Variants in LRRIQ1 observed in about 807,000 individuals in gnomAD.
The protein encoded by LRRIQ1 is leucine rich repeats and IQ motif containing 1.
A neutral mutation model predicts 211.9 loss-of-function variants in LRRIQ1; 210 were observed. The ratio of observed to expected loss-of-function variants is 0.99; its 90% CI spans 0.89 to 1.11. The LOEUF is 1.11. Among genes scored for constraint, LRRIQ1 ranks in the 50% most tolerant of loss-of-function variants. LRRIQ1 has a pLI of 0.00. For missense variants in LRRIQ1, 2,136 were observed against 1,939.5 expected (o/e 1.10, Z -1.90); for synonymous variants, 699 against 650.1 (o/e 1.08, Z -1.14).
rs925370575 is a variant in LRRIQ1, at chr12:85,240,446, T to A, written c.5017-4343T>A. ...TGGTACATTCAGAAGCTTTATAAGCTTCTTATAAAGTTAAATATACACTTA... is the reference window on the plus strand; with the variant it reads ...TGGTACATTCAGAAGCTTTATAAGCATCTTATAAAGTTAAATATACACTTA... On this transcript the variant is annotated intron_variant, in intron 26 of 26. Coordinates refer to ENST00000393217, the MANE Select transcript of LRRIQ1 (RefSeq NM_001079910.2). 9.2e-5 allele frequency among the ~76,000 whole-genome samples: 14 copies of A among 152,192 alleles called. 1 individual carries two copies. Among genetic ancestry groups the A allele is most frequent in the Admixed American group, 8.5e-4 (13 of 15,274 alleles).
At chr12:85,066,598 A>G (rs903445861) in intron 9 of LRRIQ1, 150 bp from the exon 10 acceptor site, 2 of 411,252 alleles carry the variant, frequency 4.9e-6, no homozygotes, top group Non-Finnish European at 8.3e-6. Flanking sequence ...TCCAAATAGT[A>G]TAACAGTTTG....
chr12:85,100,507 T>A (rs1427792836), intron 13 of LRRIQ1, among the ~76,000 whole-genome samples: 1 of 151,724 alleles, frequency 6.6e-6, no homozygotes, highest in Non-Finnish European at 1.5e-5. Flanking sequence ...GGTTTGCTAT[T>A]TGGGGGATAA....
intron 1 of LRRIQ1, among the ~76,000 whole-genome samples, chr12:85,257,318 A>C (rs1413541351): frequency 6.8e-6 from 1 of 146,546 alleles, no homozygotes; most frequent in Non-Finnish European, 1.5e-5. Flanking sequence ...AAATATTTGT[A>C]GACGCTTTGT....
chr12:85,241,881 A>G (rs906500376), intron 26 of LRRIQ1, among the ~76,000 whole-genome samples: 1 of 152,032 alleles, frequency 6.6e-6, no homozygotes, highest in Non-Finnish European at 1.5e-5. Context: ...CTCTTGTTTA[A>G]TATATGAGAG....
rs190646797 is a variant in LRRIQ1 at position 85,099,069 on chromosome 12, A to G, written c.3209+75A>G. 82 of 998,256 alleles carry G rather than the reference A, an allele frequency of 8.2e-5. No individual in the cohort carries two copies. The Admixed American group carries it at 1.2e-3, about 14-fold the overall frequency. The allele number at this position is 998,256 out of a possible 1,614,324, so 61.8% of individuals were successfully genotyped here. On this transcript the variant is annotated intron_variant, in intron 13 of 26. Coordinates refer to ENST00000393217, the MANE Select transcript of LRRIQ1 (RefSeq NM_001079910.2). The stretch of plus-strand genomic sequence containing the variant: ...ATATGTGATGTTCATAAACTACCAT[A>G]AAAGTTAGATTTCTCTAATAATTCA...
chr12:85,199,602 T>A (rs528645914), intron 24 of LRRIQ1, among the ~76,000 whole-genome samples: 7 of 152,288 alleles, frequency 4.6e-5, no homozygotes, highest in Non-Finnish European at 1.0e-4. Context: ...GGAAAAAGGT[T>A]GAATTGACTC....
intron 1 of LRRIQ1, among the ~76,000 whole-genome samples, chr12:85,252,006 G>T (rs1409374193): frequency 6.6e-6 from 1 of 151,824 alleles, no homozygotes. Flanking sequence ...TGTTTAAATG[G>T]TCTCTAATTA....
At chr12:85,264,540 A>G (rs988863394), downstream of LRRIQ1, 2 of 152,046 alleles carry the variant, frequency 1.3e-5, no homozygotes, top group Admixed American at 6.6e-5. Context: ...AATTCTTTCA[A>G]TGCTCAAACT....
At chr12:85,159,152 AT>A (rs1372209145) in intron 23 of LRRIQ1, among the ~76,000 whole-genome samples, 4 of 151,998 alleles carry the variant, frequency 2.6e-5, no homozygotes. Flanking sequence ...CTTTCTAAAT[AT>A]TTTGTACATA....
At chr12:85,071,551 A>T (rs1283623275) in intron 10 of LRRIQ1, among the ~76,000 whole-genome samples, 2 of 152,004 alleles carry the variant, frequency 1.3e-5, no homozygotes, top group Non-Finnish European at 2.9e-5. Flanking sequence ...AATTTGTATC[A>T]ATGGGTCAAA....
At position 85,073,016 on chromosome 12, in the gene LRRIQ1, A is replaced by G. The variant is rs149258650; in HGVS notation, c.2805A>G (p.Gly935=). Reference sequence around the variant, plus strand: ...TGGCACAAGTCTGGATTCCAACTGGATTATGTTGGTCCTGGATACCTATTA... The same window carrying G: ...TGGCACAAGTCTGGATTCCAACTGGGTTATGTTGGTCCTGGATACCTATTA... The part of the protein sequence containing the change: ...LSLAQVWIPT[G]LCWSWIPITS... Residue 935 remains glycine, a synonymous_variant, in exon 11 of 27, where the codon GGA becomes GGG. Transcript: ENST00000393217. The G allele has an allele frequency of 4.1e-4, 665 of 1,612,676 alleles. 5 individuals carry two copies. In the African/African-American group the frequency reaches 8.0e-3, roughly 19 times the overall value.
At chr12:85,087,249 A>G (rs975344379) in intron 11 of LRRIQ1, among the ~76,000 whole-genome samples, 10 of 152,100 alleles carry the variant, frequency 6.6e-5, no homozygotes, top group African/African-American at 1.7e-4. Context: ...AGCTTCATCC[A>G]TGTCCCTACA....
At chr12:85,250,089 T>C (rs1300720348), downstream of LRRIQ1, among the ~76,000 whole-genome samples, 3 of 151,766 alleles carry the variant, frequency 2.0e-5, no homozygotes, top group Admixed American at 6.6e-5. Flanking sequence ...TGGCATATTG[T>C]CTATTATATG....
intron 18 of LRRIQ1, among the ~76,000 whole-genome samples, chr12:85,136,198 A>ACG (rs61648179): frequency 6.6e-6 from 1 of 151,560 alleles, no homozygotes; most frequent in Non-Finnish European, 1.5e-5. Context: ...GTGCACACAC[A>ACG]TACGTATACA....
At chr12:85,240,669 T>C (rs1213792533) in intron 26 of LRRIQ1, among the ~76,000 whole-genome samples, 1 of 152,050 alleles carries the variant, frequency 6.6e-6, no homozygotes, top group African/African-American at 2.4e-5. Flanking sequence ...AACACACAAT[T>C]AAAAAGCAAT....
chr12:85,200,162 A>G (rs556086766), intron 24 of LRRIQ1, among the ~76,000 whole-genome samples: 7 of 152,004 alleles, frequency 4.6e-5, no homozygotes, highest in African/African-American at 1.2e-4. Context: ...TTTTATAATT[A>G]TTGTTGTAGA....
chr12:85,244,813 A>G lies in LRRIQ1; in HGVS notation c.5041A>G (p.Thr1681Ala). The G allele has an allele frequency of 6.2e-7, 1 of 1,611,516 alleles. No homozygotes were observed. The highest frequency in any genetic ancestry group is 8.5e-7 in the Non-Finnish European group (1 of 1,178,252). The change falls in exon 27 of 27, where the codon ACG becomes GCG. Residue 1681 changes from threonine to alanine, a missense_variant. Physicochemically the swap from Thr to Ala is moderately conservative, Grantham distance 58. Transcript: ENST00000393217. ...LVARLVSRED[T>A]DLDLFSMTNG... ...GGCAAGACTTGTAAGCAGAGAAGAC[A>G]CGGATTTAGACCTTTTTTCCATGAC...
intron 1 of LRRIQ1, among the ~76,000 whole-genome samples, chr12:85,253,436 C>A (rs1487583570): frequency 6.6e-6 from 1 of 152,062 alleles, no homozygotes. Flanking sequence ...GGAAGTATAG[C>A]TCTGGTACTG....
At chr12:85,175,703 C>T (rs1729581456) in intron 24 of LRRIQ1, among the ~76,000 whole-genome samples, 1 of 151,998 alleles carries the variant, frequency 6.6e-6, no homozygotes, top group African/African-American at 2.4e-5. Flanking sequence ...GGAAGGGATC[C>T]AGTTTCAGCT....
Sources: allele counts gnomAD v4.1 joint callset (sites outside exome capture counted in the v4.1 genomes callset), GRCh38; gene constraint gnomAD v4.1.1; transcripts MANE v1.5; gene names NCBI Gene and HGNC (gene_info 2026-07-23, HGNC 2026-07-21).